Variants in CNTN1 observed in about 807,000 individuals in gnomAD.
The protein encoded by CNTN1 is contactin 1, also known as contactin-1.
In CNTN1, 38 loss-of-function variants were observed where a neutral mutation model predicts 126.4. The observed-to-expected ratio is 0.30, with a 90% confidence interval of 0.23 to 0.39. The LOEUF (loss-of-function observed/expected upper bound fraction) is 0.39, where lower values mean the gene tolerates loss of function less well. Ranked by LOEUF, CNTN1 falls within the 10% of genes least tolerant of loss-of-function variation. The pLI, the probability that CNTN1 is intolerant of heterozygous loss-of-function variation, is 1.00. For synonymous variants in CNTN1, 413 were observed against 422.6 expected (o/e 0.98, Z 0.28); for missense variants, 1,009 against 1,248.4 (o/e 0.81, Z 2.89).
chr12:40,975,133 C>T (rs1172247043), intron 15 of CNTN1, among the ~76,000 whole-genome samples: 3 of 148,546 alleles, frequency 2.0e-5, no homozygotes, highest in African/African-American at 7.4e-5. Context: ...CTATGTATCT[C>T]TGACAACAGC....
At chr12:41,052,856 T>G (rs757505749) in intron 23 of CNTN1, among the ~76,000 whole-genome samples, 1 of 151,864 alleles carries the variant, frequency 6.6e-6, no homozygotes, top group Non-Finnish European at 1.5e-5. Context: ...ATAATTAAAT[T>G]TAAGCCAAAA....
intron 1 of CNTN1, among the ~76,000 whole-genome samples, chr12:40,787,381 C>T (rs75876381): frequency 2.0e-3 from 304 of 152,284 alleles, no homozygotes; most frequent in Non-Finnish European, 2.9e-3. Context: ...TGTTACAGCA[C>T]AGCTGCATCT....
chr12:40,911,323 G>A (rs1380170069), intron 3 of CNTN1, among the ~76,000 whole-genome samples: 2 of 151,976 alleles, frequency 1.3e-5, no homozygotes, highest in African/African-American at 4.8e-5. Context: ...CTCGTGATCC[G>A]CCCGCCTTAG....
intron 5 of CNTN1, among the ~76,000 whole-genome samples, chr12:40,922,643 AAGGCCAGCGTCTG>A (rs1220052048): frequency 6.6e-6 from 1 of 152,128 alleles, no homozygotes; most frequent in Non-Finnish European, 1.5e-5. Context: ...CAAATAAAGG[AAGGCCAGCGTCTG>A]AGGATCTTGA....
chr12:40,929,973 A>G lies in CNTN1; in HGVS notation c.674A>G (p.Lys225Arg), dbSNP rs1350465079. The change falls in exon 7 of 24, where the codon AAA becomes AGA. Residue 225 changes from lysine (K) to arginine (R), a missense_variant. Physicochemically the swap from Lys to Arg is conservative, Grantham distance 26. Coordinates refer to ENST00000551295, the MANE Select transcript of CNTN1 (RefSeq NM_001843.4). ...TCTATTACAAAGAGCGTGTTCAGCA[A>G]ATTCATCCCACTCATTCCAATACCT... ...SPSITKSVFSKFIPLIPIPER... is the reference protein window; with the variant it reads ...SPSITKSVFSRFIPLIPIPER... The G allele has an allele frequency of 3.7e-6, 6 of 1,612,478 alleles. No individual in the cohort carries two copies. The South Asian group carries it at 6.6e-5, about 18-fold the overall frequency.
intron 1 of CNTN1, among the ~76,000 whole-genome samples, chr12:40,894,667 A>T (rs77614047): frequency 0.098 from 14,941 of 152,122 alleles, 865 homozygotes; most frequent in Non-Finnish European, 0.13. Flanking sequence ...TTAATACCTA[A>T]CTTTTTATTT....
Position 40,861,107 on chromosome 12 carries a change from G to A in CNTN1, c.-76-47250G>A, listed in dbSNP as rs370200530. Among the ~76,000 whole-genome samples, 37 of 152,158 alleles carry A rather than the reference G, an allele frequency of 2.4e-4. No homozygotes were observed. The East Asian group carries it at 6.8e-3, about 28-fold the overall frequency. The stretch of plus-strand genomic sequence containing the variant: ...GTACAACATAATTTAAATTACTTTG[G>A]AAAGAAACACATGGCTACTTTAAAG... On this transcript the variant is annotated intron_variant, in intron 1 of 23. Coordinates refer to ENST00000551295, the MANE Select transcript of CNTN1 (RefSeq NM_001843.4).
chr12:40,701,613 A>C (rs1427711086), intron 1 of CNTN1, among the ~76,000 whole-genome samples: 1 of 152,154 alleles, frequency 6.6e-6, no homozygotes, highest in Non-Finnish European at 1.5e-5. Flanking sequence ...AATGTGGTGT[A>C]ATATAATTTA....
intron 1 of CNTN1, among the ~76,000 whole-genome samples, chr12:40,829,950 G>A (rs1941751620): frequency 1.3e-5 from 2 of 152,122 alleles, no homozygotes; most frequent in African/African-American, 4.8e-5. Flanking sequence ...TAAGTAGAAT[G>A]GCAGTGCTAC....
At chr12:41,045,261 G>T (rs1319817677) in intron 23 of CNTN1, among the ~76,000 whole-genome samples, 1 of 152,026 alleles carries the variant, frequency 6.6e-6, no homozygotes, top group African/African-American at 2.4e-5. Flanking sequence ...ATCTTTAATA[G>T]ATATATGCAT....
rs556325194 is a variant in CNTN1, at chr12:40,720,158, G to A, written c.-77+27566G>A. Among the ~76,000 whole-genome samples, 12 of 151,448 alleles carry A rather than the reference G, an allele frequency of 7.9e-5. No homozygotes were observed. The East Asian group carries it at 1.9e-3, about 25-fold the overall frequency. ...GAGCCACCGCGCCAAGCCTAATGTG[G>A]CTTTCTTAGACTTGTCTACTCATGA... is the stretch of plus-strand genomic sequence containing the variant. On this transcript the variant is annotated intron_variant, in intron 1 of 23. Coordinates refer to ENST00000551295, the MANE Select transcript of CNTN1 (RefSeq NM_001843.4).
intron 6 of CNTN1, among the ~76,000 whole-genome samples, chr12:40,926,402 C>G (rs1006101592): frequency 1.1e-4 from 16 of 152,036 alleles, no homozygotes; most frequent in African/African-American, 3.9e-4. Context: ...ACCAAGGAAG[C>G]CAGGGTGGCT....
At chr12:40,759,980 T>C (rs1366190075) in intron 1 of CNTN1, among the ~76,000 whole-genome samples, 1 of 152,052 alleles carries the variant, frequency 6.6e-6, no homozygotes, top group Non-Finnish European at 1.5e-5. Flanking sequence ...GTCTTAAATA[T>C]AGACATCTCA....
intron 1 of CNTN1, among the ~76,000 whole-genome samples, chr12:40,765,197 A>T (rs1409545306): frequency 6.6e-6 from 1 of 152,146 alleles, no homozygotes; most frequent in Non-Finnish European, 1.5e-5. Context: ...ATAACTCTAG[A>T]TCCTTGCTTT....
At chr12:40,811,774 G>C (rs1592113263) in intron 1 of CNTN1, among the ~76,000 whole-genome samples, 1 of 146,852 alleles carries the variant, frequency 6.8e-6, no homozygotes. Context: ...TTTTATTTGA[G>C]TCTTTTCTCC....
chr12:40,719,923 C>T lies in CNTN1; in HGVS notation c.-77+27331C>T, dbSNP rs181423769. 3.5e-3 allele frequency among the ~76,000 whole-genome samples: 535 copies of T among 152,112 alleles called. 2 individuals carry two copies. Among genetic ancestry groups the T allele is most frequent in the Non-Finnish European group, 6.0e-3 (407 of 67,990 alleles). Reference sequence around the variant, plus strand: ...CGCGATCACGGCTCACTGCAAGCTCCGCCTCCTGGGTTCAAGCAATTCTCC... The same window carrying T: ...CGCGATCACGGCTCACTGCAAGCTCTGCCTCCTGGGTTCAAGCAATTCTCC... On this transcript the variant is annotated intron_variant, in intron 1 of 23. Transcript: ENST00000551295.
chr12:40,865,168 CTTTG>C (rs1324201767), intron 1 of CNTN1, among the ~76,000 whole-genome samples: 1 of 152,020 alleles, frequency 6.6e-6, no homozygotes, highest in Non-Finnish European at 1.5e-5. Flanking sequence ...TCTTCAAATC[CTTTG>C]TTTATTTATC....
chr12:40,914,060 A>G (rs1246069993), intron 3 of CNTN1, among the ~76,000 whole-genome samples: 1 of 152,330 alleles, frequency 6.6e-6, no homozygotes, highest in East Asian at 1.9e-4. Context: ...AAAGGAATGT[A>G]TTAAAAAATA....
chr12:40,737,983 T>G (rs998067066), intron 1 of CNTN1, among the ~76,000 whole-genome samples: 2 of 151,988 alleles, frequency 1.3e-5, no homozygotes, highest in African/African-American at 4.8e-5. Flanking sequence ...AAGAGAAAAA[T>G]CAAATATTTA....
Sources: allele counts gnomAD v4.1 joint callset (sites outside exome capture counted in the v4.1 genomes callset), GRCh38; gene constraint gnomAD v4.1.1; transcripts MANE v1.5; gene names NCBI Gene and HGNC (gene_info 2026-07-23, HGNC 2026-07-21).